NRXN3: variants seen among roughly 807,000 people sequenced by gnomAD.
NRXN3 encodes neurexin 3.
A neutral mutation model predicts 137.6 loss-of-function variants in NRXN3; 32 were observed. That is an observed-to-expected ratio of 0.23 (90% CI 0.18 to 0.31). The LOEUF (loss-of-function observed/expected upper bound fraction) is 0.31, where lower values mean the gene tolerates loss of function less well. Ranked by LOEUF, NRXN3 falls within the 10% of genes least tolerant of loss-of-function variation. The pLI, the probability that NRXN3 is intolerant of heterozygous loss-of-function variation, is 1.00. For missense variants in NRXN3, 1,574 were observed against 2,062.5 expected, an observed-to-expected ratio of 0.76 and a Z score of 4.59; for synonymous variants, 798 against 784.5, an observed-to-expected ratio of 1.02 and a Z score of -0.29.
intron 15 of NRXN3, among the ~76,000 whole-genome samples, chr14:79,207,749 G>C (rs183908931): frequency 3.3e-5 from 5 of 152,130 alleles, no homozygotes; most frequent in African/African-American, 1.2e-4. Context: ...TAGGCATAAG[G>C]GTTGTTCTTG....
At chr14:78,562,116 A>G (rs1002244320) in intron 4 of NRXN3, among the ~76,000 whole-genome samples, 2 of 152,096 alleles carry the variant, frequency 1.3e-5, no homozygotes, top group Non-Finnish European at 2.9e-5. Flanking sequence ...ACGCTGAGGC[A>G]GGTGGGGCAC....
intron 4 of NRXN3, among the ~76,000 whole-genome samples, chr14:78,563,082 A>G (rs2096802220): frequency 6.6e-6 from 1 of 152,186 alleles, no homozygotes; most frequent in Admixed American, 6.5e-5. Flanking sequence ...CCTATGCATG[A>G]TCTCTCCATG....
intron 15 of NRXN3, among the ~76,000 whole-genome samples, chr14:79,015,679 A>G (rs1380727655): frequency 6.6e-6 from 1 of 152,182 alleles, no homozygotes; most frequent in Non-Finnish European, 1.5e-5. Context: ...TCATCTCAAG[A>G]AGAATGACAC....
rs190225538 is a variant in NRXN3 at position 78,172,654 on chromosome 14, G to C, written c.-704+1980G>C. Among the ~76,000 whole-genome samples, 722 of 152,218 alleles carry C rather than the reference G, an allele frequency of 4.7e-3. 3 individuals are homozygous for C. Among genetic ancestry groups the C allele is most frequent in the Non-Finnish European group, 6.8e-3 (462 of 68,018 alleles). On this transcript the variant is annotated intron_variant, in intron 1 of 20. Coordinates refer to ENST00000335750, the MANE Select transcript of NRXN3 (RefSeq NM_001330195.2). ...TGCGAGTCAGTCTTCCTTCTGGAAG[G>C]GGGGGAAAAGGCTGGACACTGGAAG...
chr14:79,450,206 C>A (rs2096143479), intron 15 of NRXN3, among the ~76,000 whole-genome samples: 1 of 151,948 alleles, frequency 6.6e-6, no homozygotes, highest in African/African-American at 2.4e-5. Flanking sequence ...CATTTATCTA[C>A]TCAGGTATAT....
chr14:79,792,230 T>A (rs1288514629), intron 19 of NRXN3, among the ~76,000 whole-genome samples: 1 of 152,024 alleles, frequency 6.6e-6, no homozygotes, highest in African/African-American at 2.4e-5. Flanking sequence ...TGGGAGGAAA[T>A]CTATGCTGCT....
intron 16 of NRXN3, among the ~76,000 whole-genome samples, chr14:79,631,844 T>C (rs1466171365): frequency 6.6e-6 from 1 of 151,674 alleles, no homozygotes; most frequent in Non-Finnish European, 1.5e-5. Flanking sequence ...TGGAGACCTT[T>C]TCTGTCTAGC....
At chr14:78,289,590 T>C (rs73310385) in intron 3 of NRXN3, among the ~76,000 whole-genome samples, 2,356 of 152,210 alleles carry the variant, frequency 0.015, 64 homozygotes, top group African/African-American at 0.054. Context: ...TGCTTGTTTT[T>C]TTTTTTCCAT....
intron 15 of NRXN3, among the ~76,000 whole-genome samples, chr14:79,376,319 T>C (rs1299699795): frequency 6.8e-6 from 1 of 147,150 alleles, no homozygotes; most frequent in African/African-American, 2.5e-5. Flanking sequence ...TGTCACTTCC[T>C]TGACCCATTA....
intron 16 of NRXN3, among the ~76,000 whole-genome samples, chr14:79,654,637 T>C (rs931977999): frequency 5.3e-5 from 8 of 152,180 alleles, no homozygotes; most frequent in African/African-American, 1.9e-4. Flanking sequence ...TGCATATTCA[T>C]ACCTCAAACA....
At chr14:78,709,724 T>C (rs1299257800) in intron 7 of NRXN3, 69 bp downstream of exon 7, 1 of 1,400,946 alleles carries the variant, frequency 7.1e-7, no homozygotes, top group Non-Finnish European at 9.7e-7. Flanking sequence ...TTTTTTGGCT[T>C]TATGTTTCTT....
chr14:79,823,650 C>A (rs2141089069), intron 20 of NRXN3, among the ~76,000 whole-genome samples: 1 of 152,238 alleles, frequency 6.6e-6, no homozygotes, highest in African/African-American at 2.4e-5. Context: ...GAAGGGATAT[C>A]TGTTATTTCT....
chr14:78,923,490 G>T lies in NRXN3; in HGVS notation c.2276-33752G>T, dbSNP rs1037208371. Among the ~76,000 whole-genome samples the T allele has an allele frequency of 5.3e-5, 8 of 152,294 alleles. No individual in the cohort carries two copies. The East Asian group carries it at 1.2e-3, about 22-fold the overall frequency. Reference sequence around the variant, plus strand: ...CACCTTTTAGTGGCATCACAGAGAGGTTGAGATTTCACTTAGAGAGAATGG... The same window carrying T: ...CACCTTTTAGTGGCATCACAGAGAGTTTGAGATTTCACTTAGAGAGAATGG... On this transcript the variant is annotated intron_variant, in intron 10 of 20. Coordinates refer to ENST00000335750, the MANE Select transcript of NRXN3 (RefSeq NM_001330195.2).
intron 16 of NRXN3, among the ~76,000 whole-genome samples, chr14:79,663,359 A>T (rs978130363): frequency 2.0e-5 from 3 of 152,220 alleles, no homozygotes; most frequent in African/African-American, 4.8e-5. Flanking sequence ...GCATGAAAAT[A>T]TGCTGAGAAG....
intron 15 of NRXN3, among the ~76,000 whole-genome samples, chr14:79,000,863 T>C (rs1302895177): frequency 6.6e-6 from 1 of 152,208 alleles, no homozygotes; most frequent in Non-Finnish European, 1.5e-5. Context: ...CTCTCGGTAT[T>C]GTTAGAGGCT....
At position 79,129,329 on chromosome 14, in the gene NRXN3, C is replaced by T. The variant is rs1272349911; in HGVS notation, c.3262+141188C>T. 1.5e-3 allele frequency among the ~76,000 whole-genome samples: 218 copies of T among 147,944 alleles called. 4 individuals are homozygous for T. Among genetic ancestry groups the T allele is most frequent in the African/African-American group, 5.4e-3 (211 of 39,372 alleles). On this transcript the variant is annotated intron_variant, in intron 15 of 20. Transcript: ENST00000335750. ...TGTGGGCATTTAGTGCTATAAATTT[C>T]CCTCTACACACTGCTTTGAATGCGT...
intron 15 of NRXN3, among the ~76,000 whole-genome samples, chr14:79,004,829 T>G (rs2099549003): frequency 6.6e-6 from 1 of 152,186 alleles, no homozygotes; most frequent in Non-Finnish European, 1.5e-5. Flanking sequence ...TCTTCAGTGA[T>G]GTTTCTTCTT....
intron 10 of NRXN3, among the ~76,000 whole-genome samples, chr14:78,914,912 GA>G (rs1484005500): frequency 1.3e-5 from 2 of 151,940 alleles, no homozygotes; most frequent in East Asian, 1.9e-4. Flanking sequence ...TAAGGGGAAG[GA>G]GGGGGGATAA....
intron 4 of NRXN3, among the ~76,000 whole-genome samples, chr14:78,584,323 T>C (rs1249609109): frequency 6.6e-6 from 1 of 152,224 alleles, no homozygotes; most frequent in Non-Finnish European, 1.5e-5. Context: ...GGATCTAAAA[T>C]GCGACTCTTT....
Sources: allele counts gnomAD v4.1 joint callset (sites outside exome capture counted in the v4.1 genomes callset), GRCh38; gene constraint gnomAD v4.1.1; transcripts MANE v1.5; gene names NCBI Gene and HGNC (gene_info 2026-07-23, HGNC 2026-07-21).